The following TAFA5 variants were observed in gnomAD, a reference collection of about 807,000 sequenced individuals.
TAFA5 encodes TAFA chemokine like family member 5.
In TAFA5, 6 loss-of-function variants were observed where a neutral mutation model predicts 15.3. The ratio of observed to expected loss-of-function variants is 0.39; its 90% CI spans 0.21 to 0.77. TAFA5 has a LOEUF of 0.77. TAFA5 is among the 30% of genes least tolerant of loss of function. The pLI is 0.41. For synonymous variants in TAFA5, 103 were observed against 80.7 expected (o/e 1.28, Z -1.48); for missense variants, 161 against 193.1 (o/e 0.83, Z 0.98).
At chr22:48,501,188 G>A (rs1046514105) in intron 1 of TAFA5, among the ~76,000 whole-genome samples, 70 of 152,260 alleles carry the variant, frequency 4.6e-4, no homozygotes, top group Non-Finnish European at 7.1e-4. Flanking sequence ...AGACTGGCTC[G>A]TGCTCCAAAG....
At chr22:48,732,394 C>T (rs1404409971) in intron 3 of TAFA5, among the ~76,000 whole-genome samples, 1 of 152,060 alleles carries the variant, frequency 6.6e-6, no homozygotes, top group African/African-American at 2.4e-5. Context: ...GTAGGTGGGT[C>T]TACAGGCGCC....
intron 3 of TAFA5, among the ~76,000 whole-genome samples, chr22:48,735,028 ATGACAGCAAACGCC>A (rs1375686762): frequency 1.3e-5 from 2 of 152,376 alleles, no homozygotes; most frequent in Admixed American, 1.3e-4. Context: ...GAAATCCATG[ATGACAGCAAACGCC>A]TGACCCTGTG....
At chr22:48,627,779 G>A (rs1926076534) in intron 1 of TAFA5, among the ~76,000 whole-genome samples, 2 of 152,214 alleles carry the variant, frequency 1.3e-5, no homozygotes, top group Non-Finnish European at 2.9e-5. Flanking sequence ...AGGGAGTAAG[G>A]GCCTCAGGGC....
intron 1 of TAFA5, among the ~76,000 whole-genome samples, chr22:48,615,166 A>C (rs146047650): frequency 6.6e-6 from 1 of 152,148 alleles, no homozygotes; most frequent in Non-Finnish European, 1.5e-5. Flanking sequence ...GAGGGTGGAC[A>C]GGTATGTGTC....
In TAFA5 at chr22:48,500,528, C is replaced by T. The variant is rs941416359; in HGVS notation, c.112+10824C>T. Among the ~76,000 whole-genome samples the T allele has an allele frequency of 2.2e-4, 33 of 152,238 alleles. 1 individual carries two copies. The highest frequency in any genetic ancestry group is 7.5e-4 in the African/African-American group (31 of 41,470). ...GTGCCGGCCTCCTTGGGTAGAGCAGCCCCGATGCTGCTGAGGAGGAAGGGG... is the reference window on the plus strand; with the variant it reads ...GTGCCGGCCTCCTTGGGTAGAGCAGTCCCGATGCTGCTGAGGAGGAAGGGG... On this transcript the variant is annotated intron_variant, in intron 1 of 3. Coordinates refer to ENST00000402357, the MANE Select transcript of TAFA5 (RefSeq NM_001082967.3).
At chr22:48,637,078 G>T (rs932993498) in intron 1 of TAFA5, among the ~76,000 whole-genome samples, 1 of 152,106 alleles carries the variant, frequency 6.6e-6, no homozygotes, top group Non-Finnish European at 1.5e-5. Flanking sequence ...GAAGGGAGGT[G>T]TCTGCAGGTG....
At chr22:48,730,425 G>C (rs1432884433) in intron 3 of TAFA5, among the ~76,000 whole-genome samples, 2 of 152,134 alleles carry the variant, frequency 1.3e-5, no homozygotes, top group Non-Finnish European at 2.9e-5. Context: ...ATGCAGTGCG[G>C]TGGAGCCAAC....
intron 1 of TAFA5, among the ~76,000 whole-genome samples, chr22:48,535,589 C>G (rs1403268976): frequency 6.6e-6 from 1 of 151,700 alleles, no homozygotes; most frequent in African/African-American, 2.4e-5. Flanking sequence ...TGTGTAGATG[C>G]AAGCATGCTG....
At chr22:48,633,725 T>C (rs1031171662) in intron 1 of TAFA5, among the ~76,000 whole-genome samples, 20 of 152,140 alleles carry the variant, frequency 1.3e-4, no homozygotes, top group African/African-American at 4.8e-4. Flanking sequence ...GTCGTGACCA[T>C]GTGAGTGCGT....
intron 2 of TAFA5, among the ~76,000 whole-genome samples, chr22:48,648,831 A>AAAC (rs1569063537): frequency 0.051 from 7,669 of 151,842 alleles, 639 homozygotes; most frequent in African/African-American, 0.17. Flanking sequence ...CTGTCTCAAA[A>AAAC]AAACAAACAA....
At chr22:48,624,277 A>G (rs1178587402) in intron 1 of TAFA5, among the ~76,000 whole-genome samples, 1 of 152,182 alleles carries the variant, frequency 6.6e-6, no homozygotes, top group Admixed American at 6.5e-5. Flanking sequence ...ATCCACTGTC[A>G]TGAGTGTCAC....
At chr22:48,617,845 G>A (rs933386411) in intron 1 of TAFA5, among the ~76,000 whole-genome samples, 1 of 34,316 alleles carries the variant, frequency 2.9e-5, no homozygotes, top group African/African-American at 1.9e-4. Context: ...CCCCCTGCCT[G>A]GAGGTGCACA....
intron 1 of TAFA5, among the ~76,000 whole-genome samples, chr22:48,517,609 G>A (rs1322630881): frequency 6.6e-6 from 1 of 152,192 alleles, no homozygotes; most frequent in Non-Finnish European, 1.5e-5. Context: ...GGGCATCCGG[G>A]TTCTGATAGC....
At chr22:48,491,394 G>A (rs1365017130) in intron 1 of TAFA5, among the ~76,000 whole-genome samples, 1 of 152,070 alleles carries the variant, frequency 6.6e-6, no homozygotes, top group African/African-American at 2.4e-5. Context: ...GAGAGGAGAG[G>A]AGAGGGAGAG....
At chr22:48,653,865 G>A (rs561665561) in intron 2 of TAFA5, among the ~76,000 whole-genome samples, 17 of 149,908 alleles carry the variant, frequency 1.1e-4, no homozygotes, top group South Asian at 1.1e-3. Context: ...CTACGTGAGC[G>A]TCACCAGATG....
chr22:48,679,723 TCCCCGTCCATCCCTCTCCTGGCTCCCCAG>T, intron 2 of TAFA5, among the ~76,000 whole-genome samples: 1 of 97,314 alleles, frequency 1.0e-5, no homozygotes, highest in Admixed American at 1.2e-4. Flanking sequence ...CTCTCCCGGC[TCCCCGTCCATCCCTCTCCTGGCTCCCCAG>T]CTCCCCGTCC....
At chr22:48,507,531 A>G (rs1387676662) in intron 1 of TAFA5, among the ~76,000 whole-genome samples, 1 of 152,196 alleles carries the variant, frequency 6.6e-6, no homozygotes, top group Non-Finnish European at 1.5e-5. Context: ...GAATGTGCTC[A>G]GTGGTTTGCC....
At chr22:48,697,155 G>C (rs11204501) in intron 2 of TAFA5, among the ~76,000 whole-genome samples, 48,108 of 152,036 alleles carry the variant, frequency 0.32, 8,208 homozygotes, top group South Asian at 0.52. Flanking sequence ...CCACTGGGGT[G>C]CAGTTAGGGC....
intron 2 of TAFA5, among the ~76,000 whole-genome samples, chr22:48,688,115 T>A (rs993911851): frequency 1.3e-5 from 2 of 151,670 alleles, no homozygotes; most frequent in Non-Finnish European, 2.9e-5. Context: ...TTTTTTTCCC[T>A]CTCTCTCATC....
Sources: allele counts gnomAD v4.1 joint callset (sites outside exome capture counted in the v4.1 genomes callset), GRCh38; gene constraint gnomAD v4.1.1; transcripts MANE v1.5; gene names NCBI Gene and HGNC (gene_info 2026-07-23, HGNC 2026-07-21).